Variants in MCM3AP observed in about 807,000 individuals in gnomAD.
MCM3AP encodes minichromosome maintenance complex component 3 associated protein.
MCM3AP carries 126 observed loss-of-function variants against 184.1 expected under a neutral mutation model. That is an observed-to-expected ratio of 0.68 (90% CI 0.59 to 0.79). MCM3AP has a LOEUF of 0.79. MCM3AP is among the 30% of genes least tolerant of loss of function. The probability of loss-of-function intolerance (pLI) is 0.00; values close to 1 mark genes in which losing one functional copy is unlikely to be tolerated. For missense variants in MCM3AP, 2,496 were observed against 2,479.2 expected (o/e 1.01, Z -0.14); for synonymous variants, 1,002 against 979.3 (o/e 1.02, Z -0.43).
chr21:46,263,464 CAGATT>C (rs2081067282), intron 13 of MCM3AP, among the ~76,000 whole-genome samples: 1 of 151,794 alleles, frequency 6.6e-6, no homozygotes, highest in South Asian at 2.1e-4. Context: ...CCCACATTCT[CAGATT>C]AGAAGATTTA....
intron 19 of MCM3AP, chr21:46,251,935 G>T (rs902023487): frequency 7.5e-6 from 2 of 266,474 alleles, no homozygotes; most frequent in African/African-American, 4.9e-5. Context: ...GCCCAAGCTA[G>T]AGTGCAATGG....
At chr21:46,256,442 C>T (rs2080949995) in intron 17 of MCM3AP, 3 of 307,284 alleles carry the variant, frequency 9.8e-6, no homozygotes, top group Middle Eastern at 1.1e-3. Context: ...CACAGGCCAG[C>T]GTGGACCTCC....
Position 46,265,982 on chromosome 21 carries a change from C to T in MCM3AP, c.2974G>A (p.Glu992Lys), listed in dbSNP as rs1033794059. The change falls in exon 11 of 28, where the codon GAG (glutamate) becomes AAG (lysine). Residue 992 changes from glutamate (E) to lysine (K), a missense_variant. Around this residue, in one of 5 missense-constraint regions of MCM3AP, gnomAD observed 1,323 missense variants for 1,273.4 expected, o/e 1.04. Coordinates refer to ENST00000291688, the MANE Select transcript of MCM3AP (RefSeq NM_003906.5). ...ACGGGCAGCTCCGCGGCCAGGCTCT[C>T]CCCGATGTACTTGTTCTGGGAGTTG... ...SFNSQNKYIG[E>K]SLAAELPVST... is the part of the protein sequence containing the mutation. 1 of 1,606,426 alleles carries T rather than the reference C, an allele frequency of 6.2e-7. No homozygotes were observed. Among genetic ancestry groups the T allele is most frequent in the Non-Finnish European group, 8.5e-7 (1 of 1,175,836 alleles).
intron 13 of MCM3AP, among the ~76,000 whole-genome samples, chr21:46,261,674 AG>A (rs1187045368): frequency 6.6e-6 from 1 of 150,986 alleles, no homozygotes; most frequent in Non-Finnish European, 1.5e-5. Context: ...GGGAGACTGC[AG>A]TGAGCCAAGA....
Position 46,285,500 on chromosome 21 carries a change from C to A in MCM3AP, c.-214G>T. On this transcript the variant is annotated 5_prime_UTR_variant, in exon 1 of 28. Transcript: ENST00000291688. ...AAAGGATAACTATTTCAAAGGCAGG[C>A]AAAGGGTTATTATTTTCTGAGAGCC... 1.8e-6 allele frequency: 1 copy of A among 554,018 alleles called. No individual in the cohort carries two copies. The highest frequency in any genetic ancestry group is 3.0e-5 in the East Asian group (1 of 33,644). 34.3% of individuals were successfully genotyped at this position (554,018 alleles called of 1,614,324 possible).
chr21:46,267,068 C>T lies in MCM3AP; in HGVS notation c.2703G>A (p.Leu901=), dbSNP rs1234112258. 1 of 1,614,058 alleles carries T rather than the reference C, an allele frequency of 6.2e-7. No individual in the cohort carries two copies. Among genetic ancestry groups the T allele is most frequent in the Non-Finnish European group, 8.5e-7 (1 of 1,179,906 alleles). ...VSTQRSTIFP[L]DGVVRMLLFR... is the part of the protein sequence containing the mutation. Reference sequence around the variant, plus strand: ...ACAGCAGCATGCGCACCACACCATCCAGGGGAAAGATGGTAGATCGCTGTG... The same window carrying T: ...ACAGCAGCATGCGCACCACACCATCTAGGGGAAAGATGGTAGATCGCTGTG... Residue 901 remains leucine (L), a synonymous_variant, in exon 10 of 28, where the codon CTG becomes CTA. Coordinates refer to ENST00000291688, the MANE Select transcript of MCM3AP (RefSeq NM_003906.5).
intron 16 of MCM3AP, 110 bp downstream of exon 16, chr21:46,258,829 C>T (rs1186057551): frequency 1.7e-6 from 2 of 1,156,134 alleles, no homozygotes; most frequent in Non-Finnish European, 2.5e-6. Flanking sequence ...TAACATTTTC[C>T]CTCATCCTTT....
At position 46,254,522 on chromosome 21, in the gene MCM3AP, CA is replaced by C; in HGVS notation, c.4005del (p.Asp1335GlufsTer35). Reference sequence around the variant, plus strand: ...GGCAGGTCCAGAGACGCCCATGCCACATCACTGGGAGGAACAGACCACCGTG... The same window carrying C: ...GGCAGGTCCAGAGACGCCCATGCCACTCACTGGGAGGAACAGACCACCGTG... Reference protein sequence around the residue: ...VQHFYQQLLSDVAWASLDLPS... With the variant: ...VQHFYQQLLSXVAWASLDLPS... On this transcript the variant is annotated frameshift_variant, in exon 19 of 28. Coordinates refer to ENST00000291688, the MANE Select transcript of MCM3AP (RefSeq NM_003906.5). LOFTEE classifies it high-confidence loss of function. The C allele has an allele frequency of 1.9e-6, 3 of 1,614,044 alleles. No individual in the cohort carries two copies. The highest frequency in any genetic ancestry group is 1.7e-6 in the Non-Finnish European group (2 of 1,180,038).
chr21:46,263,647 G>A (rs933370297), intron 13 of MCM3AP, among the ~76,000 whole-genome samples: 1 of 151,062 alleles, frequency 6.6e-6, no homozygotes. Flanking sequence ...AGCCAGGCTG[G>A]TGCCCACCTG....
In MCM3AP at chr21:46,243,564, C is replaced by A. The variant is rs564457343; in HGVS notation, c.5197G>T (p.Gly1733Cys). The part of the protein sequence containing the change: ...SKSPSPVHGA[G>C]PSVMEIPWDD... ...CATGGGATCTCCATGACCGAGGGGC[C>A]TGCCCCATGGACTGGGGAGGGACTC... The change falls in exon 24 of 28, where the codon GGC becomes TGC. Residue 1733 changes from glycine to cysteine, a missense_variant. This residue lies in a region of MCM3AP where 1,323 missense variants were observed against 1,273.4 expected (regional missense o/e 1.04). Coordinates refer to ENST00000291688, the MANE Select transcript of MCM3AP (RefSeq NM_003906.5). The A allele has an allele frequency of 4.6e-5, 74 of 1,614,218 alleles. No individual in the cohort carries two copies. In the South Asian group the frequency reaches 7.1e-4, roughly 16 times the overall value.
At chr21:46,272,225 T>C (rs1420851863) in intron 8 of MCM3AP, among the ~76,000 whole-genome samples, 1 of 152,216 alleles carries the variant, frequency 6.6e-6, no homozygotes, top group Non-Finnish European at 1.5e-5. Flanking sequence ...CTAACAACCT[T>C]GCAGGGCACC....
chr21:46,266,805 G>GACATC, intron 10 of MCM3AP, 177 bp downstream of exon 10: 1 of 647,658 alleles, frequency 1.5e-6, no homozygotes, highest in Non-Finnish European at 2.6e-6. Flanking sequence ...TGTGCTGACA[G>GACATC]CCAGGATGTG....
chr21:46,249,055 G>A (rs1171536182), intron 20 of MCM3AP, among the ~76,000 whole-genome samples: 1 of 152,144 alleles, frequency 6.6e-6, no homozygotes, highest in Non-Finnish European at 1.5e-5. Flanking sequence ...CAGTGCCAGT[G>A]TAACAAAGTG....
intron 8 of MCM3AP, among the ~76,000 whole-genome samples, chr21:46,272,060 C>T (rs1049150126): frequency 7.2e-5 from 11 of 151,980 alleles, no homozygotes; most frequent in East Asian, 5.9e-4. Context: ...CCAGAGAGCT[C>T]GCCAGACTTC....
chr21:46,255,395 A>G (rs1477735029), intron 17 of MCM3AP, among the ~76,000 whole-genome samples: 1 of 151,930 alleles, frequency 6.6e-6, no homozygotes, highest in Non-Finnish European at 1.5e-5. Context: ...CCGAGAGGCA[A>G]CGCCACCTGG....
At chr21:46,279,841 G>T in intron 4 of MCM3AP, 152 bp downstream of exon 4, 1 of 670,942 alleles carries the variant, frequency 1.5e-6, no homozygotes, top group Non-Finnish European at 2.3e-6. Flanking sequence ...AGGAGGGGCA[G>T]AGCCCCTGCC....
intron 20 of MCM3AP, chr21:46,247,196 C>G (rs2080788034): frequency 3.5e-6 from 1 of 283,896 alleles, no homozygotes; most frequent in Non-Finnish European, 6.7e-6. Flanking sequence ...TCGAGCAGTC[C>G]TCCTGGTTCA....
At position 46,273,385 on chromosome 21, in the gene MCM3AP, T is replaced by C; in HGVS notation, c.2196+3A>G. On this transcript the variant is annotated splice_donor_region_variant and intron_variant, in intron 7 of 27. Coordinates refer to ENST00000291688, the MANE Select transcript of MCM3AP (RefSeq NM_003906.5). ...TAGCATCCAGGTTGGAGGCAGCCAA[T>C]ACCTTCCGTATGCCACGCGTGCGGT... 6.2e-7 allele frequency: 1 copy of C among 1,613,568 alleles called. No homozygotes were observed. Among genetic ancestry groups the C allele is most frequent in the Admixed American group, 1.7e-5 (1 of 59,984 alleles).
intron 25 of MCM3AP, 58 bp from the exon 26 acceptor site, chr21:46,241,075 T>C (rs1395251138): frequency 4.9e-6 from 6 of 1,226,906 alleles, no homozygotes; most frequent in African/African-American, 4.4e-5. Flanking sequence ...TACAGCATCA[T>C]GTAAAGCATG....
Sources: gnomAD v4.1 joint callset for allele counts (sites outside exome capture counted in the v4.1 genomes callset) on GRCh38, gnomAD v4.1.1 for gene constraint, gnomAD v4.1.1 regional missense constraint, MANE v1.5 for transcripts, NCBI Gene and HGNC (gene_info 2026-07-23, HGNC 2026-07-21) for gene names.